Variants in DYRK4 observed in about 807,000 individuals in gnomAD.
DYRK4 encodes the protein dual specificity tyrosine-phosphorylation-regulated kinase 4.
In DYRK4, 64 loss-of-function variants were observed where a neutral mutation model predicts 68.3. That is an observed-to-expected ratio of 0.94 (90% CI 0.77 to 1.15). The LOEUF is 1.15. DYRK4 is among the 50% of genes most tolerant of loss of function. DYRK4 has a pLI of 0.00. For synonymous variants in DYRK4, 274 were observed against 289.9 expected (o/e 0.95, Z 0.56); for missense variants, 740 against 764.7 (o/e 0.97, Z 0.38).
At chr12:4,599,270 C>CTTTTTTTT (rs71061195) in intron 9 of DYRK4, 104 bp downstream of exon 9, 9 of 461,184 alleles carry the variant, frequency 2.0e-5, no homozygotes, top group Admixed American at 4.8e-5. Context: ...TTGCCTTTGA[C>CTTTTTTTT]TTTTTTTTTT....
At position 4,596,582 on chromosome 12, in the gene DYRK4, A is replaced by T. The variant is rs749007390; in HGVS notation, c.765-7A>T. ...CCCACCCTGCCGGCCACTCCCAATC[A>T]CCTTAGGTTTCACCAGCAGGCCCTG... is the stretch of plus-strand genomic sequence containing the variant. On this transcript the variant is annotated splice_region_variant and splice_polypyrimidine_tract_variant and intron_variant, in intron 7 of 14. Coordinates refer to ENST00000543431, the MANE Select transcript of DYRK4 (RefSeq NM_001394779.1). The T allele has an allele frequency of 6.2e-7, 1 of 1,611,084 alleles. No homozygotes were observed. The highest frequency in any genetic ancestry group is 8.5e-7 in the Non-Finnish European group (1 of 1,179,340).
intron 11 of DYRK4, 52 bp downstream of exon 11, chr12:4,605,138 C>CA (rs1565542104): frequency 6.4e-7 from 1 of 1,552,966 alleles, no homozygotes; most frequent in Admixed American, 1.7e-5. Flanking sequence ...GCTTGGCCCT[C>CA]AGACACGGGG....
intron 9 of DYRK4, 86 bp downstream of exon 9, chr12:4,599,252 T>A (rs951959299): frequency 6.2e-4 from 468 of 760,284 alleles, no homozygotes; most frequent in Non-Finnish European, 9.0e-4. Context: ...CAAACTCCAA[T>A]CAAATAATTG....
In DYRK4 at chr12:4,571,867, G is replaced by A. The variant is rs138273651; in HGVS notation, c.132+3819G>A. On this transcript the variant is annotated intron_variant, in intron 2 of 14. Transcript: ENST00000543431. The stretch of plus-strand genomic sequence containing the variant: ...GCTCTAGAATGGACACTGCACAATG[G>A]CAAAGGTTTTACTGGACTGGCTCAG... Among the ~76,000 whole-genome samples, 498 of 152,292 alleles carry A rather than the reference G, an allele frequency of 3.3e-3. 2 individuals carry two copies. Among genetic ancestry groups the A allele is most frequent in the African/African-American group, 0.011 (477 of 41,542 alleles).
At chr12:4,589,190 C>T (rs1944927222) in intron 3 of DYRK4, among the ~76,000 whole-genome samples, 173 bp downstream of exon 3, 1 of 152,164 alleles carries the variant, frequency 6.6e-6, no homozygotes, top group Admixed American at 6.5e-5. Context: ...CGCCCCATCT[C>T]CTCCACATGA....
At chr12:4,608,833 A>G (rs373854101) in intron 12 of DYRK4, among the ~76,000 whole-genome samples, 97 of 152,352 alleles carry the variant, frequency 6.4e-4, no homozygotes, top group African/African-American at 2.1e-3. Context: ...CCTGGTTGCC[A>G]TAGAATGGTG....
intron 13 of DYRK4, among the ~76,000 whole-genome samples, chr12:4,611,436 C>T (rs979465295): frequency 1.3e-5 from 2 of 152,208 alleles, no homozygotes; most frequent in African/African-American, 4.8e-5. Flanking sequence ...GGACTGATTA[C>T]TCATAACTTG....
intron 2 of DYRK4, among the ~76,000 whole-genome samples, chr12:4,583,755 A>T (rs1259918125): frequency 6.6e-6 from 1 of 152,102 alleles, no homozygotes; most frequent in African/African-American, 2.4e-5. Context: ...ATGAATTTGC[A>T]ATTGAGGCAC....
chr12:4,589,657 T>C (rs1944931831), intron 3 of DYRK4, among the ~76,000 whole-genome samples: 1 of 152,218 alleles, frequency 6.6e-6, no homozygotes, highest in African/African-American at 2.4e-5. Context: ...AATGACAGGT[T>C]CTCATCCTTT....
Position 4,599,780 on chromosome 12 carries a change from A to G in DYRK4, c.1118A>G (p.His373Arg), listed in dbSNP as rs1406316200. The G allele has an allele frequency of 6.2e-7, 1 of 1,613,944 alleles. No homozygotes were observed. The highest frequency in any genetic ancestry group is 2.2e-5 in the East Asian group (1 of 44,880). The change falls in exon 10 of 15, where the codon CAC becomes CGC. Residue 373 changes from histidine to arginine, a missense_variant. His to Arg is a conservative substitution (Grantham distance 29). This residue lies in a region of DYRK4 where 614 missense variants were observed against 603.7 expected (regional missense o/e 1.02). Transcript: ENST00000543431. ...VIDFGSSCYE[H>R]QKVYTYIQSR... ...GACTTTGGATCAAGCTGTTATGAAC[A>G]CCAGAAAGGTGAGCCCCATGTCAGT...
chr12:4,593,413 G>C (rs1377495811), intron 6 of DYRK4, among the ~76,000 whole-genome samples: 1 of 152,142 alleles, frequency 6.6e-6, no homozygotes, highest in Non-Finnish European at 1.5e-5. Flanking sequence ...GGGGTAGCCG[G>C]TTTGCATCCT....
intron 10 of DYRK4, chr12:4,602,978 CT>C: frequency 1.1e-6 from 1 of 891,186 alleles, no homozygotes; most frequent in Non-Finnish European, 1.8e-6. Flanking sequence ...TTTTCACTCC[CT>C]TTTATCATTC....
At chr12:4,576,801 T>C (rs925746923) in intron 2 of DYRK4, among the ~76,000 whole-genome samples, 5 of 152,240 alleles carry the variant, frequency 3.3e-5, no homozygotes, top group Non-Finnish European at 5.9e-5. Flanking sequence ...GACATCTATA[T>C]ATCTTATTTG....
chr12:4,582,279 T>C (rs1419878184), intron 2 of DYRK4, among the ~76,000 whole-genome samples: 2 of 152,032 alleles, frequency 1.3e-5, no homozygotes, highest in African/African-American at 4.8e-5. Flanking sequence ...ACCCCATCTC[T>C]ACTAAAAATA....
At chr12:4,599,280 T>TTG in intron 9 of DYRK4, 114 bp downstream of exon 9, 1 of 1,145,640 alleles carries the variant, frequency 8.7e-7, no homozygotes, top group African/African-American at 1.6e-5. Flanking sequence ...CTTTTTTTTT[T>TTG]TTTTTTTTTT....
rs893729410 is a variant in DYRK4 at position 4,567,841 on chromosome 12, G to T, written c.39-114G>T. Reference sequence around the variant, plus strand: ...GCAGGGACCCTGCTCCTGCTTTTAGGCCTGTTGCCTTCTTTTCTTCAAACC... The same window carrying T: ...GCAGGGACCCTGCTCCTGCTTTTAGTCCTGTTGCCTTCTTTTCTTCAAACC... On this transcript the variant is annotated intron_variant, in intron 1 of 14. Coordinates refer to ENST00000543431, the MANE Select transcript of DYRK4 (RefSeq NM_001394779.1). The T allele has an allele frequency of 1.1e-5, 9 of 847,554 alleles. No individual in the cohort carries two copies. In the East Asian group the frequency reaches 2.4e-4, roughly 23 times the overall value. The allele number at this position is 847,554 out of a possible 1,614,324, so 52.5% of individuals were successfully genotyped here.
At chr12:4,573,535 T>A (rs1944753836) in intron 2 of DYRK4, among the ~76,000 whole-genome samples, 1 of 152,214 alleles carries the variant, frequency 6.6e-6, no homozygotes, top group Non-Finnish European at 1.5e-5. Flanking sequence ...TAGTCACTTC[T>A]ATTGAAAGCT....
intron 10 of DYRK4, among the ~76,000 whole-genome samples, chr12:4,604,413 G>A (rs960883626): frequency 1.3e-5 from 2 of 152,070 alleles, no homozygotes; most frequent in Admixed American, 1.3e-4. Flanking sequence ...CCATTTCTTC[G>A]ACTTCAGTCT....
In DYRK4 at chr12:4,610,190, AG is replaced by A. The variant is rs747209702; in HGVS notation, c.1401del (p.Arg470AspfsTer12). ...KGFPKNITNNRGKKRYPDSKD... is the reference protein window; with the variant it reads ...KGFPKNITNNXGKKRYPDSKD... ...TTTTCCTAAAAATATAACCAACAAC[AG>A]GGGGAAAAAAAGATACCCAGATTCC... On this transcript the variant is annotated frameshift_variant, in exon 13 of 15. Coordinates refer to ENST00000543431, the MANE Select transcript of DYRK4 (RefSeq NM_001394779.1). LOFTEE classifies it high-confidence loss of function. The A allele has an allele frequency of 1.0e-5, 16 of 1,603,506 alleles. No individual in the cohort carries two copies. Among genetic ancestry groups the A allele is most frequent in the South Asian group, 2.3e-5 (2 of 88,706 alleles).
Sources: gnomAD v4.1 joint callset for allele counts (sites outside exome capture counted in the v4.1 genomes callset) on GRCh38, gnomAD v4.1.1 for gene constraint, gnomAD v4.1.1 regional missense constraint, MANE v1.5 for transcripts, NCBI Gene and HGNC (gene_info 2026-07-23, HGNC 2026-07-21) for gene names.